The following GRHL2 variants were observed in gnomAD, a reference collection of about 807,000 sequenced individuals.
GRHL2 encodes the protein grainyhead like transcription factor 2.
A neutral mutation model predicts 83.8 loss-of-function variants in GRHL2; 21 were observed. That is an observed-to-expected ratio of 0.25 (90% confidence interval 0.18 to 0.36). GRHL2 has a LOEUF of 0.36. GRHL2 is among the 10% of genes least tolerant of loss of function. The pLI is 1.00. For missense variants in GRHL2, 623 were observed against 781.8 expected (o/e 0.80, Z 2.42); for synonymous variants, 280 against 278.9 (o/e 1.00, Z -0.04).
At chr8:101,542,738 G>C (rs767649186) in intron 1 of GRHL2, 21 of 456,422 alleles carry the variant, frequency 4.6e-5, no homozygotes, top group South Asian at 3.3e-4. Context: ...CAGGATCAAG[G>C]GGCAGCATCT....
At chr8:101,674,475 C>A (rs1391936240), downstream of GRHL2, among the ~76,000 whole-genome samples, 15 of 151,976 alleles carry the variant, frequency 9.9e-5, no homozygotes, top group Admixed American at 9.8e-4. Context: ...GGATAAATTC[C>A]TCGACACATA....
intron 14 of GRHL2, among the ~76,000 whole-genome samples, chr8:101,659,253 C>T (rs372628899): frequency 5.3e-5 from 8 of 152,014 alleles, no homozygotes; most frequent in Non-Finnish European, 8.8e-5. Flanking sequence ...CTGTGATTTC[C>T]GTTGTTAAAA....
At chr8:101,512,432 T>A (rs979639387) in intron 1 of GRHL2, among the ~76,000 whole-genome samples, 4 of 152,226 alleles carry the variant, frequency 2.6e-5, no homozygotes, top group African/African-American at 9.6e-5. Flanking sequence ...ATGTTATCTT[T>A]TTGGTACTAT....
Position 101,500,501 on chromosome 8 carries a change from C to T in GRHL2, c.20+7712C>T, listed in dbSNP as rs1810204898. Among the ~76,000 whole-genome samples the T allele has an allele frequency of 3.9e-5, 6 of 152,062 alleles. No individual in the cohort carries two copies. The South Asian group carries it at 1.0e-3, about 26-fold the overall frequency. Reference sequence around the variant, plus strand: ...TAAACTGTATTATAATAGGTAATAACAAAAGTGTATATATATATTTTTTTG... The same window carrying T: ...TAAACTGTATTATAATAGGTAATAATAAAAGTGTATATATATATTTTTTTG... On this transcript the variant is annotated intron_variant, in intron 1 of 15. Transcript: ENST00000646743.
At chr8:101,641,658 T>G (rs1813403370) in intron 12 of GRHL2, among the ~76,000 whole-genome samples, 1 of 152,168 alleles carries the variant, frequency 6.6e-6, no homozygotes, top group South Asian at 2.1e-4. Context: ...CTGCCGGGCC[T>G]AGAATCATTC....
chr8:101,620,988 G>T (rs1812954183), intron 9 of GRHL2, among the ~76,000 whole-genome samples: 1 of 151,960 alleles, frequency 6.6e-6, no homozygotes, highest in Admixed American at 6.6e-5. Flanking sequence ...AGGTGAAAAG[G>T]AAAGAGGTCA....
At chr8:101,516,968 T>C (rs1186319824) in intron 1 of GRHL2, among the ~76,000 whole-genome samples, 5 of 152,212 alleles carry the variant, frequency 3.3e-5, no homozygotes, top group Non-Finnish European at 7.3e-5. Context: ...TTAAATGTTC[T>C]GGATCAAGTT....
At chr8:101,500,429 C>G (rs983653694) in intron 1 of GRHL2, among the ~76,000 whole-genome samples, 1 of 152,080 alleles carries the variant, frequency 6.6e-6, no homozygotes, top group African/African-American at 2.4e-5. Flanking sequence ...TTTTCCATTA[C>G]CAGGAGAGCA....
chr8:101,595,988 C>G (rs1303781325), intron 7 of GRHL2, among the ~76,000 whole-genome samples: 3 of 152,000 alleles, frequency 2.0e-5, no homozygotes, highest in Non-Finnish European at 4.4e-5. Context: ...GGTGTGGTGG[C>G]AGGCACCTGT....
chr8:101,600,479 A>G (rs1346671578), intron 8 of GRHL2, among the ~76,000 whole-genome samples: 2 of 152,078 alleles, frequency 1.3e-5, no homozygotes, highest in Non-Finnish European at 2.9e-5. Flanking sequence ...GGCTGTCTGC[A>G]CCTTTCCCAC....
rs1319466702 is a variant in GRHL2, at chr8:101,652,458, G to GGT, written c.1698+2967_1698+2968dup. Among the ~76,000 whole-genome samples the GGT allele has an allele frequency of 2.2e-4, 11 of 50,438 alleles. 2 individuals carry two copies. Among genetic ancestry groups the GGT allele is most frequent in the Admixed American group, 1.0e-3 (5 of 4,876 alleles). The allele number at this position is 50,438 out of a possible 152,430, so 33.1% of individuals were successfully genotyped here. ...TGTCTGGTGTGTGTGGTGTGTGTCT[G>GGT]GTGTGTGTGGTGTGTGTGTGGTATG... is the stretch of plus-strand genomic sequence containing the variant. On this transcript the variant is annotated intron_variant, in intron 14 of 15. Coordinates refer to ENST00000646743, the MANE Select transcript of GRHL2 (RefSeq NM_024915.4).
In GRHL2 at chr8:101,513,500, C is replaced by A. The variant is rs866501376; in HGVS notation, c.20+20711C>A. Among the ~76,000 whole-genome samples, 10 of 100,182 alleles carry A rather than the reference C, an allele frequency of 1.0e-4. 1 individual carries two copies. Among genetic ancestry groups the A allele is most frequent in the African/African-American group, 3.4e-4 (9 of 26,492 alleles). 65.7% of individuals were successfully genotyped at this position (100,182 alleles called of 152,430 possible). On this transcript the variant is annotated intron_variant, in intron 1 of 15. Coordinates refer to ENST00000646743, the MANE Select transcript of GRHL2 (RefSeq NM_024915.4). ...TATGTGGGTGCAGGCTATCGTTGTG[C>A]TTTTTTTTTTGGAGATGGAGTTTTG...
chr8:101,600,682 A>G (rs1586134052), intron 8 of GRHL2, among the ~76,000 whole-genome samples: 1 of 152,192 alleles, frequency 6.6e-6, no homozygotes, highest in African/African-American at 2.4e-5. Flanking sequence ...AGACAAACAC[A>G]CAGATTTCCA....
chr8:101,666,567 ACC>A lies in GRHL2; in HGVS notation c.1764-19_1764-18del. 1 of 1,446,926 alleles carries A rather than the reference ACC, an allele frequency of 6.9e-7. No individual in the cohort carries two copies. 89.6% of individuals were successfully genotyped at this position (1,446,926 alleles called of 1,614,324 possible). On this transcript the variant is annotated intron_variant, in intron 15 of 15. Transcript: ENST00000646743. ...TGTTCACGGCGTCTTTGTTTTTCACACCCCTCCCCCCTCCATGGCAGCATCTT... is the reference window on the plus strand; with the variant it reads ...TGTTCACGGCGTCTTTGTTTTTCACACCTCCCCCCTCCATGGCAGCATCTT...
At chr8:101,676,083 G>A in the GRHL2 span, among the ~76,000 whole-genome samples, 5 of 151,450 alleles carry the variant, frequency 3.3e-5, no homozygotes, top group Admixed American at 1.3e-4. Context: ...AGACTTAAAC[G>A]TTAGACCTAA....
At chr8:101,495,837 A>G (rs1392186003) in intron 1 of GRHL2, among the ~76,000 whole-genome samples, 1 of 152,196 alleles carries the variant, frequency 6.6e-6, no homozygotes, top group East Asian at 1.9e-4. Context: ...TACAACAGTT[A>G]CAAAAATGTT....
chr8:101,560,288 C>A (rs893264146), intron 4 of GRHL2, among the ~76,000 whole-genome samples: 1 of 152,256 alleles, frequency 6.6e-6, no homozygotes, highest in Non-Finnish European at 1.5e-5. Flanking sequence ...TTCGGCCTCC[C>A]GAAGTGCTGG....
At chr8:101,617,526 T>G (rs947520117) in intron 8 of GRHL2, among the ~76,000 whole-genome samples, 1 of 152,174 alleles carries the variant, frequency 6.6e-6, no homozygotes, top group Admixed American at 6.5e-5. Flanking sequence ...TATTTTGAGA[T>G]AGGATCTCTC....
At chr8:101,574,811 A>G (rs1427581697) in intron 6 of GRHL2, among the ~76,000 whole-genome samples, 3 of 152,256 alleles carry the variant, frequency 2.0e-5, no homozygotes, top group African/African-American at 7.2e-5. Flanking sequence ...CAAGAGTCAT[A>G]AAATAACAAT....
Sources: gnomAD v4.1 joint callset for allele counts (sites outside exome capture counted in the v4.1 genomes callset) on GRCh38, gnomAD v4.1.1 for gene constraint, MANE v1.5 for transcripts, NCBI Gene and HGNC (gene_info 2026-07-23, HGNC 2026-07-21) for gene names.